MRPS27: variants seen among roughly 807,000 people sequenced by gnomAD.
MRPS27 encodes mitochondrial ribosomal protein S27, also known as small ribosomal subunit protein mS27.
In MRPS27, 43 loss-of-function variants were observed where a neutral mutation model predicts 48.9. The ratio of observed to expected loss-of-function variants is 0.88; its 90% CI spans 0.69 to 1.13. The LOEUF (loss-of-function observed/expected upper bound fraction) is 1.13. Among genes scored for constraint, MRPS27 ranks in the 50% most tolerant of loss-of-function variants. The pLI, the probability that MRPS27 is intolerant of heterozygous loss-of-function variation, is 0.00. For missense variants in MRPS27, 467 were observed against 476.3 expected (o/e 0.98, Z 0.18); for synonymous variants, 188 against 171.9 (o/e 1.09, Z -0.73).
intron 2 of MRPS27, among the ~76,000 whole-genome samples, chr5:72,303,118 T>A (rs927035272): frequency 1.3e-5 from 2 of 152,214 alleles, no homozygotes; most frequent in Admixed American, 1.3e-4. Flanking sequence ...ATTTGGGGTA[T>A]AGGGCCAGAA....
chr5:72,310,873 G>C (rs1580119847), intron 2 of MRPS27, among the ~76,000 whole-genome samples: 1 of 152,184 alleles, frequency 6.6e-6, no homozygotes, highest in South Asian at 2.1e-4. Flanking sequence ...ACCAGTGAAG[G>C]CATATGATAT....
At chr5:72,240,626 T>G (rs1403280016) in intron 4 of MRPS27, among the ~76,000 whole-genome samples, 1 of 152,168 alleles carries the variant, frequency 6.6e-6, no homozygotes, top group African/African-American at 2.4e-5. Flanking sequence ...CACCTTTCTC[T>G]TATTCATGAT....
chr5:72,245,717 T>A (rs969737106), intron 4 of MRPS27, among the ~76,000 whole-genome samples: 2 of 152,132 alleles, frequency 1.3e-5, no homozygotes, highest in Non-Finnish European at 2.9e-5. Context: ...GCCCAGGAGA[T>A]GAAGCACACC....
intron 9 of MRPS27, among the ~76,000 whole-genome samples, chr5:72,224,998 T>C (rs74879611): frequency 0.059 from 9,008 of 152,264 alleles, 452 homozygotes; most frequent in African/African-American, 0.14. Context: ...ACTGGACACA[T>C]AGCACATTCT....
chr5:72,269,554 A>C (rs1416906743), intron 4 of MRPS27, among the ~76,000 whole-genome samples: 2 of 152,262 alleles, frequency 1.3e-5, no homozygotes, highest in Non-Finnish European at 2.9e-5. Flanking sequence ...TGAAAGGCAG[A>C]TCAGTGGAAG....
At chr5:72,255,029 C>CTTTTTTTT (rs70999273) in intron 4 of MRPS27, among the ~76,000 whole-genome samples, 8 of 72,094 alleles carry the variant, frequency 1.1e-4, no homozygotes, top group Non-Finnish European at 1.9e-4. Flanking sequence ...CATTTCTTTT[C>CTTTTTTTT]TTTTTTTTTT....
chr5:72,264,443 T>C (rs1308709130), intron 4 of MRPS27, among the ~76,000 whole-genome samples: 3 of 152,170 alleles, frequency 2.0e-5, no homozygotes, highest in African/African-American at 4.8e-5. Context: ...GACTTACAAA[T>C]TGAATTGTGT....
intron 7 of MRPS27, chr5:72,228,765 C>A (rs1447631241): frequency 6.2e-6 from 1 of 160,456 alleles, no homozygotes; most frequent in African/African-American, 2.4e-5. Context: ...GTCAGCCCCA[C>A]AGTCACTCAT....
At chr5:72,265,159 T>G (rs1749078022) in intron 4 of MRPS27, among the ~76,000 whole-genome samples, 1 of 152,230 alleles carries the variant, frequency 6.6e-6, no homozygotes, top group Non-Finnish European at 1.5e-5. Flanking sequence ...GAGTTTTTAT[T>G]AGACAAGGTT....
intron 4 of MRPS27, among the ~76,000 whole-genome samples, chr5:72,278,896 T>C (rs1157697393): frequency 1.3e-5 from 2 of 152,222 alleles, no homozygotes; most frequent in Non-Finnish European, 2.9e-5. Flanking sequence ...CTTTTTCTAT[T>C]GGAGGATATT....
chr5:72,234,389 C>T (rs1264040887), intron 5 of MRPS27, among the ~76,000 whole-genome samples, 192 bp from the exon 6 acceptor site: 1 of 151,788 alleles, frequency 6.6e-6, no homozygotes, highest in Non-Finnish European at 1.5e-5. Flanking sequence ...AACTGTTGGT[C>T]AGGGTGAGAA....
At chr5:72,268,960 A>G (rs1028026723) in intron 4 of MRPS27, among the ~76,000 whole-genome samples, 2 of 152,316 alleles carry the variant, frequency 1.3e-5, no homozygotes, top group Middle Eastern at 3.4e-3. Context: ...CACTTAAGGA[A>G]GCCCATTACT....
chr5:72,290,796 C>A (rs1298987490), intron 4 of MRPS27, among the ~76,000 whole-genome samples: 2 of 152,162 alleles, frequency 1.3e-5, no homozygotes, highest in East Asian at 3.9e-4. Flanking sequence ...TATAAAAATT[C>A]TTTTAAACAA....
intron 10 of MRPS27, among the ~76,000 whole-genome samples, chr5:72,223,329 C>A (rs1747803060): frequency 6.6e-6 from 1 of 152,176 alleles, no homozygotes; most frequent in Non-Finnish European, 1.5e-5. Context: ...ACATTTAGTG[C>A]AAGATGGAGA....
At chr5:72,297,159 T>G (rs751352169) in intron 3 of MRPS27, among the ~76,000 whole-genome samples, 12 of 152,200 alleles carry the variant, frequency 7.9e-5, no homozygotes, top group African/African-American at 1.9e-4. Flanking sequence ...AAAACTGGCA[T>G]AGAAGGTGCT....
At chr5:72,300,455 C>T (rs753509032) in intron 2 of MRPS27, among the ~76,000 whole-genome samples, 8 of 152,218 alleles carry the variant, frequency 5.3e-5, no homozygotes, top group Non-Finnish European at 1.0e-4. Context: ...TAACTCCAGA[C>T]TTGCATTTCC....
At chr5:72,290,923 C>T (rs1275194404) in intron 4 of MRPS27, among the ~76,000 whole-genome samples, 2 of 152,158 alleles carry the variant, frequency 1.3e-5, no homozygotes, top group African/African-American at 4.8e-5. Context: ...TTTGCTGCTA[C>T]CACTGGGAAA....
At chr5:72,258,172 C>T (rs1319551072) in intron 4 of MRPS27, among the ~76,000 whole-genome samples, 2 of 150,674 alleles carry the variant, frequency 1.3e-5, no homozygotes, top group East Asian at 3.9e-4. Flanking sequence ...TTAAGAAGTT[C>T]AAAACAAAGA....
intron 2 of MRPS27, among the ~76,000 whole-genome samples, chr5:72,310,514 C>T (rs963964248): frequency 1.3e-5 from 2 of 152,066 alleles, no homozygotes; most frequent in African/African-American, 4.8e-5. Flanking sequence ...TTAAAAAATT[C>T]ACAAATTGAT....
Sources: allele counts gnomAD v4.1 joint callset (sites outside exome capture counted in the v4.1 genomes callset), GRCh38; gene constraint gnomAD v4.1.1; transcripts MANE v1.5; gene names NCBI Gene and HGNC (gene_info 2026-07-23, HGNC 2026-07-21).